The following PTPRT variants were observed in gnomAD, a reference collection of about 807,000 sequenced individuals.
PTPRT encodes the protein receptor-type tyrosine-protein phosphatase T.
Under a neutral mutation model 176.8 loss-of-function variants are expected in PTPRT, and 56 were observed. The ratio of observed to expected loss-of-function variants is 0.32; its 90% CI spans 0.26 to 0.40. PTPRT has a LOEUF of 0.40. Ranked by LOEUF, PTPRT falls within the 10% of genes least tolerant of loss-of-function variation. The pLI, the probability that PTPRT is intolerant of heterozygous loss-of-function variation, is 1.00. For synonymous variants in PTPRT, 783 were observed against 739.0 expected, an observed-to-expected ratio of 1.06 and a Z score of -0.96; for missense variants, 1,540 against 1,908.2, an observed-to-expected ratio of 0.81 and a Z score of 3.60.
At chr20:42,517,016 T>C (rs1274139004) in intron 7 of PTPRT, among the ~76,000 whole-genome samples, 4 of 152,118 alleles carry the variant, frequency 2.6e-5, no homozygotes, top group Non-Finnish European at 4.4e-5. Context: ...CATGCTGTCC[T>C]TATCTACTTT....
At chr20:43,146,308 T>G (rs1458765349) in intron 1 of PTPRT, among the ~76,000 whole-genome samples, 1 of 152,156 alleles carries the variant, frequency 6.6e-6, no homozygotes, top group Non-Finnish European at 1.5e-5. Context: ...ACGAAAGACA[T>G]ACAAACTGAA....
At chr20:43,078,716 C>A (rs2011350580) in intron 1 of PTPRT, among the ~76,000 whole-genome samples, 1 of 152,160 alleles carries the variant, frequency 6.6e-6, no homozygotes. Context: ...AGCAGGCTGC[C>A]CCTTTAAAAA....
chr20:42,297,176 A>G (rs1278958550), intron 12 of PTPRT, among the ~76,000 whole-genome samples: 1 of 152,194 alleles, frequency 6.6e-6, no homozygotes, highest in Non-Finnish European at 1.5e-5. Context: ...TAAAATCCAC[A>G]GCTAACAAAG....
intron 6 of PTPRT, among the ~76,000 whole-genome samples, chr20:42,747,268 A>G (rs2145365379): frequency 6.6e-6 from 1 of 152,340 alleles, no homozygotes; most frequent in South Asian, 2.1e-4. Flanking sequence ...GGGTCTCGTC[A>G]CATGCTTGTA....
intron 12 of PTPRT, among the ~76,000 whole-genome samples, chr20:42,312,870 T>C (rs570094360): frequency 5.8e-4 from 86 of 149,420 alleles, no homozygotes; most frequent in African/African-American, 2.0e-3. Flanking sequence ...GTCTCTGATA[T>C]GATGTTTGGG....
chr20:42,203,239 TTTAAGTG>T (rs1200407631), intron 15 of PTPRT, among the ~76,000 whole-genome samples: 3 of 152,232 alleles, frequency 2.0e-5, no homozygotes, highest in African/African-American at 7.2e-5. Flanking sequence ...GAATTCTGAA[TTTAAGTG>T]TTAAAAAGAC....
At chr20:42,388,017 C>G (rs1465233972) in intron 9 of PTPRT, among the ~76,000 whole-genome samples, 6 of 152,090 alleles carry the variant, frequency 3.9e-5, no homozygotes, top group Non-Finnish European at 7.4e-5. Context: ...GTCTCGAACT[C>G]CTGACCTCGT....
intron 7 of PTPRT, among the ~76,000 whole-genome samples, chr20:42,617,836 C>A (rs573795006): frequency 1.4e-5 from 2 of 137,978 alleles, no homozygotes; most frequent in Admixed American, 1.4e-4. Flanking sequence ...CTCTTTTTTT[C>A]TTTATTAGTC....
chr20:42,345,610 GTGTGTGTGTATA>G (rs1174217814), intron 11 of PTPRT, among the ~76,000 whole-genome samples: 1 of 140,884 alleles, frequency 7.1e-6, no homozygotes, highest in Non-Finnish European at 1.6e-5. Context: ...GTGTGTGTGT[GTGTGTGTGTATA>G]TATATGTATG....
chr20:42,948,138 G>A (rs559290860), intron 1 of PTPRT, among the ~76,000 whole-genome samples: 58 of 152,206 alleles, frequency 3.8e-4, no homozygotes, highest in Non-Finnish European at 6.2e-4. Flanking sequence ...TGAGGACTCC[G>A]TCCATCTCAG....
intron 9 of PTPRT, among the ~76,000 whole-genome samples, chr20:42,382,612 G>A (rs1342840939): frequency 6.6e-6 from 1 of 152,148 alleles, no homozygotes; most frequent in African/African-American, 2.4e-5. Context: ...AAAACAGGGG[G>A]AGAAGGGGGA....
downstream of PTPRT, among the ~76,000 whole-genome samples, chr20:42,068,382 C>T (rs1057355672): frequency 2.0e-5 from 3 of 152,132 alleles, no homozygotes; most frequent in African/African-American, 4.8e-5. Context: ...ATCTGTTTTA[C>T]CCAGTTTTGT....
chr20:43,152,710 C>T (rs1179304485), intron 1 of PTPRT, among the ~76,000 whole-genome samples: 1 of 152,168 alleles, frequency 6.6e-6, no homozygotes, highest in Non-Finnish European at 1.5e-5. Flanking sequence ...AGATACTATA[C>T]AATTAATTAC....
At chr20:42,522,050 T>G (rs1252764882) in intron 7 of PTPRT, among the ~76,000 whole-genome samples, 1 of 151,856 alleles carries the variant, frequency 6.6e-6, no homozygotes, top group African/African-American at 2.4e-5. Context: ...GAACTTTTTC[T>G]TAAATTTTAC....
chr20:42,477,140 A>G (rs186459946), intron 7 of PTPRT, among the ~76,000 whole-genome samples: 1 of 152,114 alleles, frequency 6.6e-6, no homozygotes, highest in East Asian at 1.9e-4. Flanking sequence ...TCCAACACAC[A>G]CTTAGCATTT....
the PTPRT span, among the ~76,000 whole-genome samples, chr20:42,057,171 T>C: frequency 6.6e-6 from 1 of 152,216 alleles, no homozygotes; most frequent in African/African-American, 2.4e-5. Context: ...ATTCAATAAT[T>C]ACTGGAACAG....
At chr20:42,819,747 A>AG (rs376176448) in intron 2 of PTPRT, among the ~76,000 whole-genome samples, 1 of 151,962 alleles carries the variant, frequency 6.6e-6, no homozygotes, top group Admixed American at 6.6e-5. Context: ...AAAAATAAAA[A>AG]AAAATAAAAA....
At chr20:42,385,387 T>C (rs367585250) in intron 9 of PTPRT, among the ~76,000 whole-genome samples, 1 of 152,210 alleles carries the variant, frequency 6.6e-6, no homozygotes, top group East Asian at 1.9e-4. Context: ...ATTCCACTTA[T>C]ATGAAGTATC....
At chr20:42,823,166 A>C (rs192273886) in intron 2 of PTPRT, among the ~76,000 whole-genome samples, 1 of 152,352 alleles carries the variant, frequency 6.6e-6, no homozygotes, top group African/African-American at 2.4e-5. Context: ...GACCGGATAA[A>C]GAAAATGTGG....
Sources: allele counts gnomAD v4.1 joint callset (sites outside exome capture counted in the v4.1 genomes callset), GRCh38; gene constraint gnomAD v4.1.1; transcripts MANE v1.5; gene names NCBI Gene and HGNC (gene_info 2026-07-23, HGNC 2026-07-21).